The following TTC23L variants were observed in gnomAD, a reference collection of about 807,000 sequenced individuals.
The protein encoded by TTC23L is tetratricopeptide repeat domain 23 like.
In TTC23L, 42 loss-of-function variants were observed where a neutral mutation model predicts 48.1. The observed-to-expected ratio is 0.87, with a 90% CI of 0.68 to 1.13. The LOEUF (loss-of-function observed/expected upper bound fraction) is 1.13. Ranked by LOEUF, TTC23L falls within the 50% of genes most tolerant of loss-of-function variation. TTC23L has a pLI of 0.00. For synonymous variants in TTC23L, 159 were observed against 157.2 expected, an observed-to-expected ratio of 1.01 and a Z score of -0.09; for missense variants, 391 against 421.0, an observed-to-expected ratio of 0.93 and a Z score of 0.62.
chr5:34,858,144 G>A (rs1760274344), intron 4 of TTC23L, among the ~76,000 whole-genome samples: 1 of 152,296 alleles, frequency 6.6e-6, no homozygotes, highest in South Asian at 2.1e-4. Flanking sequence ...CCAGAAGCAG[G>A]CCTTGCTGCC....
intron 8 of TTC23L, among the ~76,000 whole-genome samples, chr5:34,879,085 A>C (rs1391521413): frequency 6.6e-6 from 1 of 152,236 alleles, no homozygotes; most frequent in Non-Finnish European, 1.5e-5. Flanking sequence ...AAGTGAAACA[A>C]GCCAGACACA....
chr5:34,916,122 C>G, the TTC23L span: 1 of 439,368 alleles, frequency 2.3e-6, no homozygotes. Context: ...CTTTACCCGG[C>G]CCACGGGGAA....
chr5:34,882,210 C>T (rs1762266769), intron 9 of TTC23L, among the ~76,000 whole-genome samples: 1 of 152,142 alleles, frequency 6.6e-6, no homozygotes, highest in Admixed American at 6.5e-5. Flanking sequence ...ACCACCAGTA[C>T]CACCACCAGT....
intron 4 of TTC23L, among the ~76,000 whole-genome samples, chr5:34,850,575 A>G (rs1276533368): frequency 6.6e-6 from 1 of 152,174 alleles, no homozygotes; most frequent in South Asian, 2.1e-4. Flanking sequence ...GGGAGATACT[A>G]TTAGTAACCT....
chr5:34,899,904 AAAAC>A (rs371836502), downstream of TTC23L, among the ~76,000 whole-genome samples: 263 of 152,244 alleles, frequency 1.7e-3, no homozygotes, highest in African/African-American at 5.5e-3. Context: ...AAACAAACAA[AAAAC>A]AAACAAACAA....
chr5:34,915,762 G>A, the TTC23L span: 1 of 1,604,658 alleles, frequency 6.2e-7, no homozygotes, highest in Non-Finnish European at 8.5e-7. Context: ...AGAGGAAACG[G>A]CGTGGAGGCT....
intron 3 of TTC23L, among the ~76,000 whole-genome samples, chr5:34,848,575 G>A (rs918420967): frequency 1.3e-5 from 2 of 152,216 alleles, no homozygotes; most frequent in Non-Finnish European, 2.9e-5. Context: ...GGGATATTGA[G>A]TGATGAAGTG....
the TTC23L span, chr5:34,916,308 A>C: frequency 6.4e-6 from 1 of 155,744 alleles, no homozygotes; most frequent in Admixed American, 6.4e-5. Context: ...AGGGATCCTG[A>C]AGTACGTTAG....
chr5:34,914,834 C>T, the TTC23L span: 1 of 1,614,184 alleles, frequency 6.2e-7, no homozygotes, highest in African/African-American at 1.3e-5. Flanking sequence ...GTTGTCAAGG[C>T]TGGCCACAAG....
chr5:34,901,529 G>A (rs541274837), downstream of TTC23L, among the ~76,000 whole-genome samples: 7 of 152,304 alleles, frequency 4.6e-5, 1 homozygote, highest in Middle Eastern at 0.021. Flanking sequence ...TTGGGAGGCC[G>A]AGGCAGGCGG....
At chr5:34,900,735 C>T (rs1763487709), downstream of TTC23L, among the ~76,000 whole-genome samples, 1 of 152,104 alleles carries the variant, frequency 6.6e-6, no homozygotes, top group Admixed American at 6.6e-5. Flanking sequence ...ATATGGGTCC[C>T]ATGGTATTAT....
At chr5:34,914,951 T>C in the TTC23L span, 1 of 1,581,812 alleles carries the variant, frequency 6.3e-7, no homozygotes, top group East Asian at 2.2e-5. Context: ...TCTCGGCGGA[T>C]CGCCAAACAC....
chr5:34,860,184 C>T (rs1242978683), intron 4 of TTC23L, among the ~76,000 whole-genome samples: 3 of 152,022 alleles, frequency 2.0e-5, no homozygotes, highest in Non-Finnish European at 4.4e-5. Context: ...TCCCTTCAGT[C>T]ATCTTTCTAC....
chr5:34,910,460 C>G, the TTC23L span, among the ~76,000 whole-genome samples: 6 of 151,230 alleles, frequency 4.0e-5, no homozygotes, highest in East Asian at 9.7e-4. Context: ...CAGATTCTCA[C>G]TCTGTCACCC....
chr5:34,883,835 G>A (rs1260444910), intron 9 of TTC23L, among the ~76,000 whole-genome samples: 1 of 152,158 alleles, frequency 6.6e-6, no homozygotes, highest in African/African-American at 2.4e-5. Flanking sequence ...ATTTAAAGAA[G>A]AATTAATATT....
the TTC23L span, chr5:34,913,461 A>G: frequency 1.7e-5 from 25 of 1,488,896 alleles, no homozygotes; most frequent in Non-Finnish European, 2.1e-5. Context: ...TATACTGATC[A>G]TAGTTTACCT....
At chr5:34,888,485 G>T (rs140641594) in intron 9 of TTC23L, 1 of 985,178 alleles carries the variant, frequency 1.0e-6, no homozygotes, top group Non-Finnish European at 1.2e-6. Context: ...TGTATATGGA[G>T]GTGAACACAG....
chr5:34,890,502 T>G (rs1762802602), intron 9 of TTC23L, among the ~76,000 whole-genome samples: 1 of 150,106 alleles, frequency 6.7e-6, no homozygotes, highest in Non-Finnish European at 1.5e-5. Context: ...CTGGTAAATG[T>G]AAGATTTGAA....
chr5:34,916,254 T>G, the TTC23L span: 1 of 175,656 alleles, frequency 5.7e-6, no homozygotes, highest in African/African-American at 2.4e-5. Context: ...ATTTCTCCAG[T>G]GATTAGTATG....
Sources: gnomAD v4.1 joint callset for allele counts (sites outside exome capture counted in the v4.1 genomes callset) on GRCh38, gnomAD v4.1.1 for gene constraint, MANE v1.5 for transcripts, NCBI Gene and HGNC (gene_info 2026-07-23, HGNC 2026-07-21) for gene names.